The following TMEM132D variants were observed in gnomAD, a reference collection of about 807,000 sequenced individuals.
TMEM132D encodes the protein transmembrane protein 132D.
A neutral mutation model predicts 62.3 loss-of-function variants in TMEM132D; 21 were observed. The observed-to-expected ratio is 0.34, with a 90% CI of 0.24 to 0.49. The LOEUF is 0.49. Ranked by LOEUF, TMEM132D falls within the 20% of genes least tolerant of loss-of-function variation. TMEM132D has a pLI of 0.99. For synonymous variants in TMEM132D, 621 were observed against 575.6 expected (o/e 1.08, Z -1.13); for missense variants, 1,346 against 1,402.8 (o/e 0.96, Z 0.65).
At chr12:129,800,997 G>A (rs571981584) in intron 1 of TMEM132D, among the ~76,000 whole-genome samples, 23 of 151,808 alleles carry the variant, frequency 1.5e-4, no homozygotes, top group Admixed American at 2.6e-4. Context: ...CGAATACTGC[G>A]CTTTTCTGAC....
chr12:129,381,528 T>C (rs1870950573), intron 3 of TMEM132D, among the ~76,000 whole-genome samples: 1 of 152,194 alleles, frequency 6.6e-6, no homozygotes, highest in Non-Finnish European at 1.5e-5. Context: ...TAAATTTTTA[T>C]TGATTCCCAT....
intron 1 of TMEM132D, among the ~76,000 whole-genome samples, chr12:129,826,323 G>A (rs759913503): frequency 2.0e-5 from 3 of 152,128 alleles, no homozygotes; most frequent in Non-Finnish European, 4.4e-5. Context: ...CATCTTCTTT[G>A]GGTTAAACCG....
At chr12:129,316,243 C>T (rs1179666830) in intron 4 of TMEM132D, among the ~76,000 whole-genome samples, 1 of 152,042 alleles carries the variant, frequency 6.6e-6, no homozygotes, top group Non-Finnish European at 1.5e-5. Context: ...CTTAAAATGT[C>T]AGTTTGTGCT....
chr12:129,839,418 A>T (rs1873112932), intron 1 of TMEM132D, among the ~76,000 whole-genome samples: 1 of 149,476 alleles, frequency 6.7e-6, no homozygotes, highest in Non-Finnish European at 1.5e-5. Context: ...GAGCCACCGT[A>T]CCCGGCCCTA....
At chr12:129,356,147 ATTTTTTTT>A (rs35842499) in intron 3 of TMEM132D, among the ~76,000 whole-genome samples, 2 of 36,562 alleles carry the variant, frequency 5.5e-5, no homozygotes, top group Non-Finnish European at 4.8e-5. Flanking sequence ...AACTGAAGGG[ATTTTTTTT>A]TTTTTTTTTT....
intron 2 of TMEM132D, among the ~76,000 whole-genome samples, chr12:129,534,579 C>T (rs1435369288): frequency 6.6e-6 from 1 of 152,116 alleles, no homozygotes; most frequent in African/African-American, 2.4e-5. Context: ...GCTCCCCATA[C>T]CCAATCTCTT....
intron 3 of TMEM132D, among the ~76,000 whole-genome samples, chr12:129,375,771 A>G (rs1870764653): frequency 6.6e-6 from 1 of 152,182 alleles, no homozygotes; most frequent in Non-Finnish European, 1.5e-5. Context: ...GATGTTACCT[A>G]GCATCAGGAT....
intron 3 of TMEM132D, among the ~76,000 whole-genome samples, chr12:129,353,918 A>G (rs1056407753): frequency 2.0e-5 from 3 of 152,024 alleles, no homozygotes; most frequent in Admixed American, 6.6e-5. Flanking sequence ...GCACGGAGCC[A>G]ATGAACAGCT....
At chr12:129,759,620 CAT>C (rs1870286091) in intron 1 of TMEM132D, among the ~76,000 whole-genome samples, 1 of 152,198 alleles carries the variant, frequency 6.6e-6, no homozygotes, top group African/African-American at 2.4e-5. Flanking sequence ...CAGTGCCAGA[CAT>C]ATTCCATCAT....
At chr12:129,424,586 T>C (rs1316129179) in intron 3 of TMEM132D, among the ~76,000 whole-genome samples, 2 of 151,590 alleles carry the variant, frequency 1.3e-5, no homozygotes, top group Admixed American at 6.6e-5. Context: ...TGGGCACCTG[T>C]AGTCCCAGCT....
intron 5 of TMEM132D, among the ~76,000 whole-genome samples, chr12:129,195,726 C>T (rs1472870299): frequency 6.6e-6 from 1 of 152,114 alleles, no homozygotes; most frequent in Non-Finnish European, 1.5e-5. Flanking sequence ...TCCAATGCAA[C>T]CACATGTGTT....
At chr12:129,481,564 CA>C (rs1232444377) in intron 3 of TMEM132D, among the ~76,000 whole-genome samples, 1 of 151,632 alleles carries the variant, frequency 6.6e-6, no homozygotes, top group South Asian at 2.1e-4. Context: ...TTTACCAACA[CA>C]TACTTGAAAA....
At chr12:129,385,087 T>C (rs12814854) in intron 3 of TMEM132D, among the ~76,000 whole-genome samples, 26,045 of 65,118 alleles carry the variant, frequency 0.4, 2,955 homozygotes, top group Non-Finnish European at 0.48. Flanking sequence ...TTAAAGTTCT[T>C]TTTTTTTTTT....
In TMEM132D at chr12:129,708,633, ACAC is replaced by A. The variant is rs1565957211; in HGVS notation, c.80-7938_80-7936del. Among the ~76,000 whole-genome samples the A allele has an allele frequency of 6.4e-3, 556 of 87,070 alleles. 90 individuals carry two copies. Among genetic ancestry groups the A allele is most frequent in the East Asian group, 0.064 (157 of 2,460 alleles). 57.1% of individuals were successfully genotyped at this position (87,070 alleles called of 152,430 possible). Reference sequence around the variant, plus strand: ...GGTAAAAAAAAAAAAAAAAAAAAACACACACACACACACACACACACACAGTGC... The same window carrying A: ...GGTAAAAAAAAAAAAAAAAAAAAACAACACACACACACACACACACAGTGC... On this transcript the variant is annotated intron_variant, in intron 1 of 8. Transcript: ENST00000422113.
intron 2 of TMEM132D, among the ~76,000 whole-genome samples, chr12:129,553,313 T>G (rs1566107607): frequency 6.6e-6 from 1 of 152,196 alleles, no homozygotes; most frequent in Non-Finnish European, 1.5e-5. Flanking sequence ...GTGCTGCTGC[T>G]GTCAGGCTCG....
rs568408362 is a variant in TMEM132D at position 129,247,121 on chromosome 12, C to T, written c.1300-37458G>A. The stretch of plus-strand genomic sequence containing the variant: ...ATTTTATTTTCTGCAAAGTATATAT[C>T]GGGATATTGCTAAGGTTAAAATTCT... On this transcript the variant is annotated intron_variant, in intron 4 of 8. Coordinates refer to ENST00000422113, the MANE Select transcript of TMEM132D (RefSeq NM_133448.3). 2.6e-5 allele frequency among the ~76,000 whole-genome samples: 4 copies of T among 152,250 alleles called. No individual in the cohort carries two copies. In the South Asian group the frequency reaches 6.2e-4, roughly 24 times the overall value.
intron 3 of TMEM132D, among the ~76,000 whole-genome samples, chr12:129,426,891 C>T (rs1163399656): frequency 3.3e-5 from 5 of 152,200 alleles, no homozygotes; most frequent in Admixed American, 2.0e-4. Context: ...GCATGTGTTA[C>T]TCATTCTCAC....
intron 3 of TMEM132D, among the ~76,000 whole-genome samples, chr12:129,431,169 G>A (rs747562034): frequency 2.6e-5 from 4 of 152,214 alleles, no homozygotes; most frequent in Admixed American, 6.5e-5. Flanking sequence ...GTTCTCACAA[G>A]TAGCCCTTGA....
chr12:129,690,753 A>G (rs1394686292), intron 2 of TMEM132D, among the ~76,000 whole-genome samples: 1 of 152,158 alleles, frequency 6.6e-6, no homozygotes, highest in Non-Finnish European at 1.5e-5. Context: ...ATAGTTGGGA[A>G]CTTAGCACTC....
Sources: gnomAD v4.1 joint callset for allele counts (sites outside exome capture counted in the v4.1 genomes callset) on GRCh38, gnomAD v4.1.1 for gene constraint, MANE v1.5 for transcripts, NCBI Gene and HGNC (gene_info 2026-07-23, HGNC 2026-07-21) for gene names.